The following FRMPD3 variants were observed in gnomAD, a reference collection of about 807,000 sequenced individuals.
FRMPD3 encodes FERM and PDZ domain containing 3.
FRMPD3 carries 42 observed loss-of-function variants against 97.9 expected under a neutral mutation model. That is an observed-to-expected ratio of 0.43 (90% CI 0.34 to 0.55). The LOEUF (loss-of-function observed/expected upper bound fraction) is 0.55, where lower values mean the gene tolerates loss of function less well. Ranked by LOEUF, FRMPD3 falls within the 20% of genes least tolerant of loss-of-function variation. The probability of loss-of-function intolerance (pLI) is 0.03; values close to 1 mark genes in which losing one functional copy is unlikely to be tolerated. For missense variants in FRMPD3, 1,303 were observed against 1,457.7 expected (o/e 0.89, Z 1.73); for synonymous variants, 577 against 581.1 (o/e 0.99, Z 0.10).
At chrX:107,553,116 T>C (rs1303568220) in intron 7 of FRMPD3, among the ~76,000 whole-genome samples, 190 bp downstream of exon 7, 1 of 110,403 alleles carries the variant, frequency 9.1e-6, no homozygotes, top group Non-Finnish European at 1.9e-5. Context: ...GAGAAGAGCA[T>C]GAAGATCATT....
chrX:107,566,459 A>C (rs893364483), intron 12 of FRMPD3, among the ~76,000 whole-genome samples: 1 of 111,654 alleles, frequency 9.0e-6, no homozygotes, highest in African/African-American at 3.3e-5. Flanking sequence ...TGGTTGCTGC[A>C]CTCCTCAGAT....
At chrX:107,541,543 G>A (rs1921301966) in intron 4 of FRMPD3, among the ~76,000 whole-genome samples, 1 of 112,370 alleles carries the variant, frequency 8.9e-6, no homozygotes, top group Admixed American at 9.4e-5. Context: ...GAAAATATTG[G>A]CAATTTCATT....
intron 1 of FRMPD3, among the ~76,000 whole-genome samples, chrX:107,468,090 C>T: frequency 9.0e-6 from 1 of 111,591 alleles, no homozygotes; most frequent in East Asian, 2.8e-4. Flanking sequence ...GAACTTTGTG[C>T]AGTCAAAAAG....
Position 107,603,490 on chromosome X carries a change from C to T in FRMPD3, c.*117C>T. On this transcript the variant is annotated 3_prime_UTR_variant, in exon 15 of 15. Transcript: ENST00000683843. ...TGCTGGGCCAGTCAGGGTCCAAGAG[C>T]CCATCAGTCTCCGGGGAGTGGAAAC... 2 of 1,086,336 alleles carry T rather than the reference C, an allele frequency of 1.8e-6. No homozygotes were observed. Among genetic ancestry groups the T allele is most frequent in the South Asian group, 4.9e-5 (2 of 40,679 alleles). The allele number at this position is 1,086,336 out of a possible 1,213,427, so 89.5% of individuals were successfully genotyped here.
chrX:107,498,176 C>A (rs187302345), intron 1 of FRMPD3, among the ~76,000 whole-genome samples: 4 of 112,632 alleles, frequency 3.6e-5, no homozygotes, highest in Non-Finnish European at 7.5e-5. Flanking sequence ...ATGCACTTTC[C>A]TGTTAATGGC....
In FRMPD3 at chrX:107,584,219, G is replaced by A. The variant is rs1388054319; in HGVS notation, c.1441+7760G>A. ...TTGTTGAGCATTTTTTCATATGTTC[G>A]TTGGCCGCGTAAATGTCTTCTTTTG... On this transcript the variant is annotated intron_variant, in intron 13 of 14. Transcript: ENST00000683843. Among the ~76,000 whole-genome samples, 6 of 110,998 alleles carry A rather than the reference G, an allele frequency of 5.4e-5. No homozygotes were observed. In the South Asian group the frequency reaches 1.1e-3, roughly 21 times the overall value.
At chrX:107,574,477 G>A (rs1183900985) in intron 12 of FRMPD3, among the ~76,000 whole-genome samples, 2 of 112,053 alleles carry the variant, frequency 1.8e-5, no homozygotes, top group African/African-American at 3.2e-5. Context: ...GACAGAGCCC[G>A]TATGGCCCAC....
chrX:107,484,617 G>A (rs931928879), intron 1 of FRMPD3, among the ~76,000 whole-genome samples: 3 of 112,135 alleles, frequency 2.7e-5, no homozygotes, highest in Non-Finnish European at 5.6e-5. Context: ...GGGGAGGGGA[G>A]CCTGGTGTGG....
chrX:107,546,403 A>G (rs1921601956), intron 5 of FRMPD3, among the ~76,000 whole-genome samples: 1 of 111,867 alleles, frequency 8.9e-6, no homozygotes, highest in Non-Finnish European at 1.9e-5. Context: ...GCTACCAGAT[A>G]CCTCTCAGCA....
At position 107,603,256 on chromosome X, in the gene FRMPD3, G is replaced by A. The variant is rs1439863820; in HGVS notation, c.5217G>A (p.Gln1739=). Residue 1739 remains glutamine, a synonymous_variant, in exon 15 of 15, where the codon CAG becomes CAA. Transcript: ENST00000683843. ...AGCAGCAGCAACAACAACAGCAGCA[G>A]CAGCAGCAGCAGGTGGCAGCAGCTG... ...QQQQQQQQQQ[Q]QQQQVAAAAG... The A allele has an allele frequency of 1.4e-5, 16 of 1,159,292 alleles. No homozygotes were observed. Among genetic ancestry groups the A allele is most frequent in the African/African-American group, 9.1e-5 (5 of 54,845 alleles).
In FRMPD3 at chrX:107,545,792, C is replaced by T. The variant is rs1364969802; in HGVS notation, c.353C>T (p.Pro118Leu). The T allele has an allele frequency of 5.8e-6, 7 of 1,208,626 alleles. No individual in the cohort carries two copies. Among genetic ancestry groups the T allele is most frequent in the Non-Finnish European group, 7.8e-6 (7 of 894,826 alleles). ...AAGAAGGCCAAGTTGAGGTCCAATCCTGTGAAGGTTCGATTTTCTGAGCAG... is the reference window on the plus strand; with the variant it reads ...AAGAAGGCCAAGTTGAGGTCCAATCTTGTGAAGGTTCGATTTTCTGAGCAG... ...AAKKAKLRSN[P>L]VKVRFSEQVA... Residue 118 changes from proline to leucine, a missense_variant, in exon 5 of 15, where the codon CCT (proline) becomes CTT (leucine). Pro to Leu is a moderately conservative substitution (Grantham distance 98). Coordinates refer to ENST00000683843, the MANE Select transcript of FRMPD3 (RefSeq NM_001388459.1).
chrX:107,536,623 A>G (rs1315486681), intron 4 of FRMPD3, among the ~76,000 whole-genome samples: 1 of 111,765 alleles, frequency 8.9e-6, no homozygotes, highest in Non-Finnish European at 1.9e-5. Flanking sequence ...TAAAGCTGCT[A>G]TAATATTTGT....
intron 13 of FRMPD3, among the ~76,000 whole-genome samples, chrX:107,595,012 G>T (rs1484252038): frequency 9.0e-6 from 1 of 110,930 alleles, no homozygotes; most frequent in African/African-American, 3.3e-5. Flanking sequence ...TTCCTTGACA[G>T]CCTGGTTATT....
At chrX:107,557,987 G>C (rs1056443193) in intron 8 of FRMPD3, among the ~76,000 whole-genome samples, 2 of 105,565 alleles carry the variant, frequency 1.9e-5, no homozygotes, top group Non-Finnish European at 3.9e-5. Flanking sequence ...TTCAAAGTTG[G>C]TTTGGCTATT....
intron 1 of FRMPD3, among the ~76,000 whole-genome samples, chrX:107,481,733 CT>C (rs893832933): frequency 2.7e-5 from 3 of 111,736 alleles, no homozygotes; most frequent in African/African-American, 6.5e-5. Context: ...GGACTTCACC[CT>C]TCTTGAAAAT....
chrX:107,463,010 C>T (rs1931502667), intron 1 of FRMPD3, among the ~76,000 whole-genome samples: 1 of 111,787 alleles, frequency 8.9e-6, no homozygotes, highest in South Asian at 3.8e-4. Context: ...TAAATACTGT[C>T]CCTATTTTTC....
rs2147884205 is a variant in FRMPD3, at chrX:107,451,667, C to T, written c.-8+1662C>T. Among the ~76,000 whole-genome samples the T allele has an allele frequency of 2.7e-5, 3 of 112,587 alleles. No individual in the cohort carries two copies. The South Asian group carries it at 1.1e-3, about 41-fold the overall frequency. On this transcript the variant is annotated intron_variant, in intron 1 of 14. Coordinates refer to ENST00000683843, the MANE Select transcript of FRMPD3 (RefSeq NM_001388459.1). ...CCCAAGCAAACATGCCAGCGTCTACCCAATTTCATGGCTTGTTTTTTTGTT... is the reference window on the plus strand; with the variant it reads ...CCCAAGCAAACATGCCAGCGTCTACTCAATTTCATGGCTTGTTTTTTTGTT...
intron 7 of FRMPD3, 99 bp downstream of exon 7, chrX:107,553,025 C>T (rs1054102561): frequency 1.9e-4 from 179 of 923,853 alleles, no homozygotes; most frequent in Non-Finnish European, 2.4e-4. Context: ...TATGCTCAGC[C>T]GGTTCCCAGA....
At chrX:107,485,795 G>A (rs1388893473) in intron 1 of FRMPD3, among the ~76,000 whole-genome samples, 2 of 111,794 alleles carry the variant, frequency 1.8e-5, no homozygotes, top group Non-Finnish European at 1.9e-5. Flanking sequence ...AGGAAGCAGG[G>A]ATATAGGGAA....
Sources: allele counts gnomAD v4.1 joint callset (sites outside exome capture counted in the v4.1 genomes callset), GRCh38; gene constraint gnomAD v4.1.1; transcripts MANE v1.5; gene names NCBI Gene and HGNC (gene_info 2026-07-23, HGNC 2026-07-21).